The following SYNE2 variants were observed in gnomAD, a reference collection of about 807,000 sequenced individuals.
SYNE2 encodes nesprin-2.
In SYNE2, 431 loss-of-function variants were observed where a neutral mutation model predicts 856.3. The ratio of observed to expected loss-of-function variants is 0.50; its 90% confidence interval spans 0.47 to 0.55. SYNE2 has a LOEUF of 0.55. Among genes scored for constraint, SYNE2 ranks in the 20% least tolerant of loss-of-function variants. SYNE2 has a pLI of 0.00. For synonymous variants in SYNE2, 2,923 were observed against 2,872.3 expected (o/e 1.02, Z -0.56); for missense variants, 8,129 against 8,023.2 (o/e 1.01, Z -0.50).
chr14:63,929,457 T>C (rs2095715247), intron 2 of SYNE2, among the ~76,000 whole-genome samples: 2 of 152,104 alleles, frequency 1.3e-5, no homozygotes, highest in African/African-American at 4.8e-5. Context: ...TGGAGGGTAT[T>C]TTGGATAATG....
At chr14:63,799,835 T>C (rs1023095852) in intron 1 of SYNE2, among the ~76,000 whole-genome samples, 3 of 152,376 alleles carry the variant, frequency 2.0e-5, no homozygotes, top group Admixed American at 6.5e-5. Flanking sequence ...TTTTATAATA[T>C]GAAAGTTAAA....
At chr14:64,196,079 G>C (rs369154191) in intron 99 of SYNE2, among the ~76,000 whole-genome samples, 2 of 152,208 alleles carry the variant, frequency 1.3e-5, no homozygotes, top group Non-Finnish European at 2.9e-5. Context: ...AGAGGTTCAC[G>C]TTCAGCAGGT....
At chr14:63,946,342 C>T (rs1298272728) in intron 6 of SYNE2, among the ~76,000 whole-genome samples, 1 of 151,864 alleles carries the variant, frequency 6.6e-6, no homozygotes, top group Non-Finnish European at 1.5e-5. Context: ...GTGGGAGAAG[C>T]ACTTGAGTCT....
At chr14:64,101,277 A>G (rs1013835968) in intron 63 of SYNE2, among the ~76,000 whole-genome samples, 1 of 152,090 alleles carries the variant, frequency 6.6e-6, no homozygotes, top group Non-Finnish European at 1.5e-5. Context: ...CCACATCCTC[A>G]TGACCACTTG....
intron 84 of SYNE2, 103 bp downstream of exon 84, chr14:64,146,326 C>T (rs148863667): frequency 1.8e-4 from 196 of 1,071,118 alleles, no homozygotes; most frequent in Middle Eastern, 1.1e-3. Context: ...AACTCTCTTC[C>T]AGCTCCCCTC....
intron 11 of SYNE2, 151 bp downstream of exon 11, chr14:63,967,997 T>C: frequency 1.4e-6 from 1 of 711,796 alleles, no homozygotes; most frequent in Non-Finnish European, 2.5e-6. Context: ...ACCCTGTCTC[T>C]ACTAAAAATA....
chr14:63,810,649 G>GT (rs1222466851), intron 1 of SYNE2, among the ~76,000 whole-genome samples: 1 of 152,066 alleles, frequency 6.6e-6, no homozygotes, highest in Non-Finnish European at 1.5e-5. Flanking sequence ...GATGATTATA[G>GT]TTTTTTTGAT....
In SYNE2 at chr14:64,019,962, G is replaced by T. The variant is rs2096924176; in HGVS notation, c.5050-30G>T. ...CAGAAAATAAGGTATGAAATAAAAA[G>T]ACACTATCCTTTAAAATTACATGTT... On this transcript the variant is annotated intron_variant, in intron 34 of 115. Transcript: ENST00000555002. The T allele has an allele frequency of 2.8e-6, 4 of 1,428,542 alleles. No homozygotes were observed. In the East Asian group the frequency reaches 9.1e-5, roughly 32 times the overall value. The allele number at this position is 1,428,542 out of a possible 1,614,324, so 88.5% of individuals were successfully genotyped here. A position where few individuals can be genotyped will look rare whatever the true frequency, so the allele number is the denominator to read the frequency against.
chr14:63,885,076 G>A (rs1028692599), intron 1 of SYNE2, among the ~76,000 whole-genome samples: 8 of 152,156 alleles, frequency 5.3e-5, no homozygotes, highest in African/African-American at 1.9e-4. Context: ...GACCGCTTTA[G>A]CCATTGCCTC....
At chr14:63,848,738 T>G (rs1431381673), upstream of SYNE2, among the ~76,000 whole-genome samples, 1 of 152,238 alleles carries the variant, frequency 6.6e-6, no homozygotes, top group African/African-American at 2.4e-5. Context: ...ATAAAGTGCT[T>G]TTGAAATGAT....
At chr14:64,146,322 C>A (rs1281404875) in intron 84 of SYNE2, 99 bp downstream of exon 84, 1 of 1,098,236 alleles carries the variant, frequency 9.1e-7, no homozygotes. Flanking sequence ...TGGAAACTCT[C>A]TTCCAGCTCC....
chr14:63,793,938 T>TAAA (rs71120286), intron 1 of SYNE2, among the ~76,000 whole-genome samples: 1 of 147,306 alleles, frequency 6.8e-6, no homozygotes, highest in African/African-American at 2.5e-5. Flanking sequence ...GACCCTGTCT[T>TAAA]AAAAAAAAAA....
chr14:63,863,763 A>G (rs992080125), intron 1 of SYNE2, among the ~76,000 whole-genome samples: 1 of 152,172 alleles, frequency 6.6e-6, no homozygotes, highest in African/African-American at 2.4e-5. Flanking sequence ...ATTATCATGA[A>G]TTCTGTTTAT....
chr14:63,864,354 A>C (rs933195121), intron 1 of SYNE2: 4 of 152,352 alleles, frequency 2.6e-5, no homozygotes, highest in South Asian at 4.1e-4. Flanking sequence ...TTAATCCAGT[A>C]CTGATTATAT....
chr14:64,011,294 A>G (rs1253851209), intron 32 of SYNE2, among the ~76,000 whole-genome samples: 1 of 152,190 alleles, frequency 6.6e-6, no homozygotes, highest in Admixed American at 6.5e-5. Context: ...AGTTGTCAAG[A>G]CCATGAGCAG....
chr14:63,909,279 T>A lies in SYNE2; in HGVS notation c.79+52T>A, dbSNP rs778981366. ...CCCACAGAAACTGGGGAAACCTTAC[T>A]TTTATCTAGTTGCAAGTCACACTGA... is the stretch of plus-strand genomic sequence containing the variant. On this transcript the variant is annotated intron_variant, in intron 2 of 115. Coordinates refer to ENST00000555002, the MANE Select transcript of SYNE2 (RefSeq NM_182914.3). The A allele has an allele frequency of 2.5e-6, 3 of 1,218,014 alleles. No individual in the cohort carries two copies. The African/African-American group carries it at 4.5e-5, about 18-fold the overall frequency. 75.5% of individuals were successfully genotyped at this position (1,218,014 alleles called of 1,614,324 possible). A position where few individuals can be genotyped will look rare whatever the true frequency, so the allele number is the denominator to read the frequency against.
intron 1 of SYNE2, among the ~76,000 whole-genome samples, chr14:63,823,133 T>C (rs1304425064): frequency 6.6e-6 from 1 of 151,138 alleles, no homozygotes; most frequent in Non-Finnish European, 1.5e-5. Context: ...AGAAATCTCA[T>C]AATTGAAAAT....
intron 96 of SYNE2, among the ~76,000 whole-genome samples, chr14:64,186,123 C>T (rs1050901643): frequency 6.6e-6 from 1 of 152,114 alleles, no homozygotes; most frequent in Non-Finnish European, 1.5e-5. Context: ...ACTCCAAATA[C>T]ACTTTCCTCT....
intron 31 of SYNE2, 65 bp from the exon 32 acceptor site, chr14:64,009,901 G>A (rs974827311): frequency 4.9e-6 from 7 of 1,436,988 alleles, no homozygotes; most frequent in Non-Finnish European, 6.8e-6. Flanking sequence ...TGGGATACTT[G>A]CAAAGAGAAA....
Sources: gnomAD v4.1 joint callset for allele counts (sites outside exome capture counted in the v4.1 genomes callset) on GRCh38, gnomAD v4.1.1 for gene constraint, MANE v1.5 for transcripts, NCBI Gene and HGNC (gene_info 2026-07-23, HGNC 2026-07-21) for gene names.